Variants in ANKS6 observed in about 807,000 individuals in gnomAD.
ANKS6 encodes the protein ankyrin repeat and sterile alpha motif domain containing 6.
Under a neutral mutation model 77.9 loss-of-function variants are expected in ANKS6, and 47 were observed. The ratio of observed to expected loss-of-function variants is 0.60; its 90% confidence interval spans 0.48 to 0.77. ANKS6 has a LOEUF of 0.77. ANKS6 is among the 30% of genes least tolerant of loss of function. ANKS6 has a pLI of 0.00. For missense variants in ANKS6, 1,150 were observed against 1,159.1 expected (o/e 0.99, Z 0.11); for synonymous variants, 488 against 501.7 (o/e 0.97, Z 0.37).
At chr9:98,777,558 G>A in intron 7 of ANKS6, 104 bp from the exon 8 acceptor site, 1 of 972,888 alleles carries the variant, frequency 1.0e-6, no homozygotes, top group East Asian at 2.4e-5. Context: ...ACTCTCCTGG[G>A]TGCTTAAATA....
intron 11 of ANKS6, among the ~76,000 whole-genome samples, chr9:98,764,823 A>G (rs1833185076): frequency 1.3e-5 from 2 of 152,194 alleles, no homozygotes; most frequent in African/African-American, 4.8e-5. Flanking sequence ...CAGTTATTTA[A>G]AATTCCCTGT....
At chr9:98,794,825 T>C (rs1835089857) in intron 1 of ANKS6, among the ~76,000 whole-genome samples, 1 of 152,084 alleles carries the variant, frequency 6.6e-6, no homozygotes, top group Admixed American at 6.5e-5. Context: ...CTGGGGAGCC[T>C]CTTCTCACAC....
intron 2 of ANKS6, among the ~76,000 whole-genome samples, chr9:98,789,507 G>A (rs1052163665): frequency 2.0e-5 from 3 of 151,214 alleles, no homozygotes; most frequent in African/African-American, 7.3e-5. Context: ...ATGAACTAGT[G>A]TTTGAGAAAT....
At chr9:98,764,199 C>A (rs1011878479) in intron 11 of ANKS6, among the ~76,000 whole-genome samples, 2 of 152,142 alleles carry the variant, frequency 1.3e-5, no homozygotes, top group Non-Finnish European at 2.9e-5. Flanking sequence ...TGATTTCTGA[C>A]AAAAAGTCTG....
chr9:98,743,264 G>T (rs1831937322), intron 14 of ANKS6, among the ~76,000 whole-genome samples: 1 of 151,930 alleles, frequency 6.6e-6, no homozygotes. Flanking sequence ...CTGGGCCACA[G>T]CCCTCCCCCG....
chr9:98,770,764 C>A, intron 10 of ANKS6, 132 bp downstream of exon 10: 1 of 978,152 alleles, frequency 1.0e-6, no homozygotes, highest in Non-Finnish European at 1.3e-6. Flanking sequence ...AATCTCTTAG[C>A]CACATTAAGG....
rs560566435 is a variant in ANKS6 at position 98,768,150 on chromosome 9, C to A, written c.2073G>T (p.Gly691=). 4 of 1,613,832 alleles carry A rather than the reference C, an allele frequency of 2.5e-6. No homozygotes were observed. Among genetic ancestry groups the A allele is most frequent in the Admixed American group, 3.3e-5 (2 of 60,014 alleles). ...CAGACGGGCTGGACCCCGGTGCTGG[C>A]CCCACAGGGCTTGACCGATGGCTGG... ...QKPSHRSSPV[G]PAPGSSPSEL... is the part of the protein sequence containing the mutation. Residue 691 remains glycine, a synonymous_variant, in exon 11 of 15, where the codon GGG becomes GGT. Transcript: ENST00000353234.
In ANKS6 at chr9:98,732,291, T is replaced by C; in HGVS notation, c.*4228A>G. ...GGCCTGGCCCATGTCTTCAGGCAGCTCTGAGGCAAGAATAAAAGGGACGAG... is the reference window on the plus strand; with the variant it reads ...GGCCTGGCCCATGTCTTCAGGCAGCCCTGAGGCAAGAATAAAAGGGACGAG... On this transcript the variant is annotated 3_prime_UTR_variant, in exon 15 of 15. Transcript: ENST00000353234. 1 of 629,996 alleles carries C rather than the reference T, an allele frequency of 1.6e-6. No homozygotes were observed. The highest frequency in any genetic ancestry group is 2.7e-6 in the Non-Finnish European group (1 of 368,174). 39.0% of individuals were successfully genotyped at this position (629,996 alleles called of 1,614,324 possible). A position where few individuals can be genotyped will look rare whatever the true frequency, so the allele number is the denominator to read the frequency against.
At position 98,784,029 on chromosome 9, in the gene ANKS6, C is replaced by T. The variant is rs768715449; in HGVS notation, c.1036G>A (p.Val346Met). 6.2e-7 allele frequency: 1 copy of T among 1,611,570 alleles called. No individual in the cohort carries two copies. Among genetic ancestry groups the T allele is most frequent in the East Asian group, 2.2e-5 (1 of 44,728 alleles). Residue 346 changes from valine (V) to methionine (M), a missense_variant, in exon 4 of 15, where the codon GTG becomes ATG. Coordinates refer to ENST00000353234, the MANE Select transcript of ANKS6 (RefSeq NM_173551.5). ...TGQLALVQLL[V>M]ERHADVDKQD... ...TTGTCAACATCCGCGTGCCTCTCCA[C>T]CAGCAGCTGCACCAGAGCCAGCTGC...
intron 11 of ANKS6, among the ~76,000 whole-genome samples, chr9:98,757,245 G>A (rs901382421): frequency 6.6e-6 from 1 of 152,092 alleles, no homozygotes; most frequent in African/African-American, 2.4e-5. Context: ...CTAAACTACA[G>A]ACTTCACTCT....
chr9:98,763,321 C>T (rs1298489499), intron 11 of ANKS6, among the ~76,000 whole-genome samples: 1 of 151,594 alleles, frequency 6.6e-6, no homozygotes, highest in East Asian at 1.9e-4. Context: ...AACTGAAATC[C>T]CCAAAAACAG....
Position 98,768,130 on chromosome 9 carries a change from G to A in ANKS6, c.2093C>T (p.Pro698Leu), listed in dbSNP as rs372284622. 1.6e-5 allele frequency: 26 copies of A among 1,613,184 alleles called. No individual in the cohort carries two copies. The African/African-American group carries it at 1.9e-4, about 12-fold the overall frequency. The change falls in exon 11 of 15, where the codon CCG (proline) becomes CTG (leucine). Residue 698 changes from proline (P) to leucine (L), a missense_variant. By Grantham distance (98) the Pro-to-Leu change is moderately conservative (BLOSUM62 -3). Transcript: ENST00000353234. ...SPVGPAPGSS[P>L]SELPASPAGG... ...TGCAGGGGAGGCTGGAAGCTCAGAC[G>A]GGCTGGACCCCGGTGCTGGCCCCAC...
intron 14 of ANKS6, among the ~76,000 whole-genome samples, chr9:98,742,264 G>C (rs1831878090): frequency 6.6e-6 from 1 of 152,204 alleles, no homozygotes; most frequent in Admixed American, 6.5e-5. Context: ...AAATTAAAGA[G>C]GCAGGAACCC....
intron 14 of ANKS6, among the ~76,000 whole-genome samples, chr9:98,738,888 T>C (rs1294384767): frequency 2.0e-5 from 3 of 152,150 alleles, no homozygotes; most frequent in Non-Finnish European, 4.4e-5. Flanking sequence ...AACTGTGATA[T>C]ATATATGATG....
chr9:98,734,854 T>G lies in ANKS6; in HGVS notation c.*1665A>C, dbSNP rs570405311. On this transcript the variant is annotated 3_prime_UTR_variant, in exon 15 of 15. Coordinates refer to ENST00000353234, the MANE Select transcript of ANKS6 (RefSeq NM_173551.5). ...TGTAAAGGTGTCTATCAGTAACAGC[T>G]AAATGAAACACTTTGTCTTCAGTCC... The G allele has an allele frequency of 1.0e-6, 1 of 985,450 alleles. No individual in the cohort carries two copies. The highest frequency in any genetic ancestry group is 1.1e-4 in the East Asian group (1 of 8,810). 61.0% of individuals were successfully genotyped at this position (985,450 alleles called of 1,614,324 possible).
chr9:98,790,206 G>C lies in ANKS6; in HGVS notation c.760C>G (p.Leu254Val). ...AAGGCGGTCTTCTCCAGCACGCTGA[G>C]GTGGTCAGGGTTGGCGCCCTTCTCC... The part of the protein sequence containing the change: ...LVEKGANPDH[L>V]SVLEKTAFEV... The change falls in exon 2 of 15, where the codon CTC becomes GTC. Residue 254 changes from leucine (L) to valine (V), a missense_variant. Coordinates refer to ENST00000353234, the MANE Select transcript of ANKS6 (RefSeq NM_173551.5). The C allele has an allele frequency of 6.2e-7, 1 of 1,606,268 alleles. No individual in the cohort carries two copies. Among genetic ancestry groups the C allele is most frequent in the Non-Finnish European group, 8.5e-7 (1 of 1,173,766 alleles).
chr9:98,785,163 C>T (rs1482559771), intron 2 of ANKS6, among the ~76,000 whole-genome samples: 2 of 152,190 alleles, frequency 1.3e-5, no homozygotes, highest in African/African-American at 4.8e-5. Flanking sequence ...GCAAAACAAA[C>T]GTTGGCATAT....
At position 98,766,995 on chromosome 9, in the gene ANKS6, G is replaced by A. The variant is rs77191797; in HGVS notation, c.2142+1086C>T. 2.5e-3 allele frequency among the ~76,000 whole-genome samples: 379 copies of A among 152,258 alleles called. 1 individual carries two copies. Among genetic ancestry groups the A allele is most frequent in the African/African-American group, 8.8e-3 (366 of 41,548 alleles). On this transcript the variant is annotated intron_variant, in intron 11 of 14. Transcript: ENST00000353234. ...ACTACTGGGGAGTCACTTGGTGGAG[G>A]AGCCAGCTCACACTCACGACTAGGA...
chr9:98,771,138 G>T, intron 9 of ANKS6, 92 bp from the exon 10 acceptor site: 1 of 1,329,042 alleles, frequency 7.5e-7, no homozygotes, highest in Admixed American at 3.4e-5. Flanking sequence ...TGCTCAGCTG[G>T]TGCATACCCC....
Sources: allele counts gnomAD v4.1 joint callset (sites outside exome capture counted in the v4.1 genomes callset), GRCh38; gene constraint gnomAD v4.1.1; transcripts MANE v1.5; gene names NCBI Gene and HGNC (gene_info 2026-07-23, HGNC 2026-07-21).